HIBADH: variants seen among roughly 807,000 people sequenced by gnomAD.
The protein encoded by HIBADH is 3-hydroxyisobutyrate dehydrogenase, also known as 3-hydroxyisobutyrate dehydrogenase, mitochondrial.
A neutral mutation model predicts 36.1 loss-of-function variants in HIBADH; 25 were observed. That is an observed-to-expected ratio of 0.69 (90% CI 0.50 to 0.97). HIBADH has a LOEUF of 0.97. Ranked by LOEUF, HIBADH falls within the 50% of genes least tolerant of loss-of-function variation. The pLI is 0.00. For synonymous variants in HIBADH, 160 were observed against 149.5 expected (o/e 1.07, Z -0.51); for missense variants, 421 against 418.0 (o/e 1.01, Z -0.06).
At chr7:27,577,481 A>G (rs1784729029) in intron 4 of HIBADH, among the ~76,000 whole-genome samples, 1 of 152,178 alleles carries the variant, frequency 6.6e-6, no homozygotes, top group Admixed American at 6.5e-5. Flanking sequence ...TTTCTCTCTT[A>G]AAATGAATAC....
Position 27,649,624 on chromosome 7 carries a change from C to A in HIBADH, c.101G>T (p.Arg34Met), listed in dbSNP as rs547065966. ...AAGSFAAVCSRSVASKTPVGF... is the reference protein window; with the variant it reads ...AAGSFAAVCSMSVASKTPVGF... ...AACTGGAGTCTTTGAAGCCACTGAC[C>A]TAGAACACACTGATTTCAATACATT... Residue 34 changes from arginine to methionine, a missense_variant, in exon 2 of 8, where the codon AGG becomes ATG. Transcript: ENST00000265395. The A allele has an allele frequency of 2.5e-5, 40 of 1,600,976 alleles. No individual in the cohort carries two copies. The East Asian group carries it at 8.1e-4, about 32-fold the overall frequency.
intron 6 of HIBADH, among the ~76,000 whole-genome samples, chr7:27,535,127 G>A (rs1372333858): frequency 2.0e-5 from 3 of 151,122 alleles, no homozygotes; most frequent in African/African-American, 4.9e-5. Context: ...GGATTGACAT[G>A]GTCTTAGATG....
chr7:27,587,755 T>A (rs1784885994), intron 4 of HIBADH, among the ~76,000 whole-genome samples: 1 of 152,194 alleles, frequency 6.6e-6, no homozygotes, highest in Non-Finnish European at 1.5e-5. Context: ...TTGAAGCCAT[T>A]TAACCATTTC....
intron 4 of HIBADH, among the ~76,000 whole-genome samples, chr7:27,567,452 T>C (rs771440870): frequency 2.0e-5 from 3 of 152,148 alleles, no homozygotes; most frequent in Non-Finnish European, 2.9e-5. Context: ...TGCCTTTTAG[T>C]TGGTGTATTT....
chr7:27,602,880 G>C (rs1448596897), intron 4 of HIBADH, among the ~76,000 whole-genome samples: 3 of 151,916 alleles, frequency 2.0e-5, no homozygotes, highest in Admixed American at 1.3e-4. Flanking sequence ...AACTCTGCTT[G>C]CCAGTTCCCT....
intron 7 of HIBADH, among the ~76,000 whole-genome samples, chr7:27,530,281 C>T (rs1310249550): frequency 6.6e-6 from 1 of 152,064 alleles, no homozygotes; most frequent in African/African-American, 2.4e-5. Flanking sequence ...TCTCAGCTGA[C>T]TGCCATCTCC....
chr7:27,645,384 T>TGTTTGTTTTGTTTTTG, intron 2 of HIBADH, among the ~76,000 whole-genome samples: 3 of 132,396 alleles, frequency 2.3e-5, no homozygotes, highest in African/African-American at 8.8e-5. Context: ...TTTTTTTTTT[T>TGTTTGTTTTGTTTTTG]TTTTTTTTTT....
chr7:27,604,206 T>C (rs892301395), intron 4 of HIBADH, among the ~76,000 whole-genome samples: 1 of 152,172 alleles, frequency 6.6e-6, no homozygotes, highest in Admixed American at 6.6e-5. Context: ...TTTTCAATGT[T>C]TTTAGATTTC....
At chr7:27,552,781 C>T (rs1163366241) in intron 4 of HIBADH, among the ~76,000 whole-genome samples, 1 of 152,180 alleles carries the variant, frequency 6.6e-6, no homozygotes, top group Non-Finnish European at 1.5e-5. Context: ...CCTGTTCCTA[C>T]TTGCTAATAG....
chr7:27,593,953 G>A (rs1474408923), intron 4 of HIBADH, among the ~76,000 whole-genome samples: 2 of 151,168 alleles, frequency 1.3e-5, no homozygotes, highest in African/African-American at 2.4e-5. Flanking sequence ...AACCCGGGAG[G>A]CGGAGCTTGC....
In HIBADH at chr7:27,616,797, T is replaced by TA. The variant is rs34552407; in HGVS notation, c.484+12573dup. Among the ~76,000 whole-genome samples, 59 of 150,390 alleles carry TA rather than the reference T, an allele frequency of 3.9e-4. 1 individual carries two copies. Among genetic ancestry groups the TA allele is most frequent in the Admixed American group, 1.1e-3 (16 of 15,176 alleles). On this transcript the variant is annotated intron_variant, in intron 4 of 7. Transcript: ENST00000265395. ...CCTTTTTTAGAAAAGAGTTAAAAGG[T>TA]AAAAAAAAAAAAATTTTTAATTAAT...
At chr7:27,550,169 A>G (rs1367565097) in intron 4 of HIBADH, among the ~76,000 whole-genome samples, 2 of 152,156 alleles carry the variant, frequency 1.3e-5, no homozygotes, top group Non-Finnish European at 2.9e-5. Context: ...TCGGCCTCCC[A>G]AAGTGCTGGG....
chr7:27,615,481 A>G (rs1304276911), intron 4 of HIBADH, among the ~76,000 whole-genome samples: 1 of 152,208 alleles, frequency 6.6e-6, no homozygotes, highest in Non-Finnish European at 1.5e-5. Context: ...ACAGCTAGAC[A>G]TACTACCGCC....
At chr7:27,542,438 GTTTTTTT>G (rs150575250) in intron 5 of HIBADH, among the ~76,000 whole-genome samples, 7 of 68,156 alleles carry the variant, frequency 1.0e-4, no homozygotes, top group Admixed American at 8.3e-4. Context: ...TTTTTTTCCC[GTTTTTTT>G]TTTTTTTTTT....
intron 4 of HIBADH, among the ~76,000 whole-genome samples, chr7:27,621,741 G>A (rs939128615): frequency 5.3e-5 from 8 of 152,156 alleles, no homozygotes; most frequent in South Asian, 2.1e-4. Context: ...GCAGTGAGCC[G>A]GGATGGCACC....
chr7:27,580,471 G>A (rs149830266), intron 4 of HIBADH, among the ~76,000 whole-genome samples: 33 of 152,274 alleles, frequency 2.2e-4, no homozygotes, highest in Middle Eastern at 3.4e-3. Context: ...AAGTTTTCAG[G>A]TGAGGATAGT....
intron 7 of HIBADH, among the ~76,000 whole-genome samples, chr7:27,530,648 T>C (rs1783981735): frequency 6.6e-6 from 1 of 152,200 alleles, no homozygotes; most frequent in Non-Finnish European, 1.5e-5. Flanking sequence ...GAACATAGAC[T>C]TTCTAAAGTT....
At chr7:27,567,749 G>A (rs1784568570) in intron 4 of HIBADH, among the ~76,000 whole-genome samples, 1 of 152,166 alleles carries the variant, frequency 6.6e-6, no homozygotes, top group Non-Finnish European at 1.5e-5. Context: ...CAAGTGAAAT[G>A]TAGAAAATTT....
intron 4 of HIBADH, among the ~76,000 whole-genome samples, chr7:27,604,168 T>G (rs1468842196): frequency 6.6e-6 from 1 of 152,128 alleles, no homozygotes; most frequent in African/African-American, 2.4e-5. Context: ...CCCTAACAAG[T>G]AAGAATTGTT....
Sources: allele counts gnomAD v4.1 joint callset (sites outside exome capture counted in the v4.1 genomes callset), GRCh38; gene constraint gnomAD v4.1.1; transcripts MANE v1.5; gene names NCBI Gene and HGNC (gene_info 2026-07-23, HGNC 2026-07-21).